The following C9orf57 variants were observed in gnomAD, a reference collection of about 807,000 sequenced individuals.
The protein encoded by C9orf57 is chromosome 9 open reading frame 57.
In C9orf57, 12 loss-of-function variants were observed where a neutral mutation model predicts 12.9. That is an observed-to-expected ratio of 0.93 (90% CI 0.60 to 1.51). The LOEUF (loss-of-function observed/expected upper bound fraction) is 1.51, where lower values mean the gene tolerates loss of function less well. C9orf57 is among the 40% of genes most tolerant of loss of function. The probability of loss-of-function intolerance (pLI) is 0.00; values close to 1 mark genes in which losing one functional copy is unlikely to be tolerated. For missense variants in C9orf57, 141 were observed against 162.8 expected (o/e 0.87, Z 0.73); for synonymous variants, 49 against 57.1 (o/e 0.86, Z 0.64).
In C9orf57 at chr9:72,052,065, G is replaced by C; in HGVS notation, c.*231C>G. 1 of 458,094 alleles carries C rather than the reference G, an allele frequency of 2.2e-6. No individual in the cohort carries two copies. Among genetic ancestry groups the C allele is most frequent in the East Asian group, 3.7e-5 (1 of 27,372 alleles). 28.4% of individuals were successfully genotyped at this position (458,094 alleles called of 1,614,324 possible). ...AGGAAGGTAAATTAAGCAGAAGGAG[G>C]AGAGGAGAGAAATGGTGTTGAAAGG... On this transcript the variant is annotated 3_prime_UTR_variant, in exon 5 of 5. Transcript: ENST00000651200.
At chr9:72,056,596 G>A (rs1049967543) in intron 3 of C9orf57, among the ~76,000 whole-genome samples, 188 bp downstream of exon 3, 13 of 151,872 alleles carry the variant, frequency 8.6e-5, no homozygotes, top group East Asian at 1.9e-4. Context: ...TTAATCGTTC[G>A]TGTCTCAGCT....
chr9:72,060,165 G>T (rs1824301817), intron 1 of C9orf57, among the ~76,000 whole-genome samples: 1 of 152,088 alleles, frequency 6.6e-6, no homozygotes, highest in Admixed American at 6.6e-5. Flanking sequence ...TCCTGCCTCA[G>T]CCTCCCGAGT....
rs1824193361 is a variant in C9orf57 at position 72,056,057 on chromosome 9, A to G, written c.280+17T>C. The G allele has an allele frequency of 6.5e-7, 1 of 1,538,398 alleles. No homozygotes were observed. Among genetic ancestry groups the G allele is most frequent in the Non-Finnish European group, 8.8e-7 (1 of 1,140,236 alleles). The stretch of plus-strand genomic sequence containing the variant: ...TGTGCTTATTTTAATTAAAATTTTT[A>G]AAGTGTCAAAACTTACCTTGAATGT... On this transcript the variant is annotated intron_variant, in intron 4 of 4. Coordinates refer to ENST00000651200, the MANE Select transcript of C9orf57 (RefSeq NM_001128618.2).
intron 2 of C9orf57, among the ~76,000 whole-genome samples, chr9:72,057,321 G>A (rs1045168549): frequency 6.6e-6 from 1 of 152,068 alleles, no homozygotes; most frequent in Non-Finnish European, 1.5e-5. Context: ...CACCTCCCGG[G>A]TTCAAGCGAT....
chr9:72,056,535 C>G (rs1331966553), intron 3 of C9orf57, among the ~76,000 whole-genome samples: 1 of 151,822 alleles, frequency 6.6e-6, no homozygotes, highest in Non-Finnish European at 1.5e-5. Flanking sequence ...AAAGTACTCA[C>G]ATTTGAATCT....
chr9:72,054,913 GA>G (rs1251500166), intron 4 of C9orf57, among the ~76,000 whole-genome samples: 4 of 90,762 alleles, frequency 4.4e-5, no homozygotes, highest in Middle Eastern at 6.3e-3. Flanking sequence ...TGGGGTTTGG[GA>G]TTTTTTTTTT....
At chr9:72,055,370 CTCCCTCCTTCCT>C (rs1824170855) in intron 4 of C9orf57, among the ~76,000 whole-genome samples, 2 of 28,626 alleles carry the variant, frequency 7.0e-5, no homozygotes, top group Admixed American at 3.1e-4. Flanking sequence ...CCCTCCCTCC[CTCCCTCCTTCCT>C]TCCTTCCTTC....
In C9orf57 at chr9:72,060,399, C is replaced by T. The variant is rs1824310832; in HGVS notation, c.-54+98G>A. The T allele has an allele frequency of 8.6e-6, 6 of 698,514 alleles. No individual in the cohort carries two copies. The South Asian group carries it at 9.7e-5, about 11-fold the overall frequency. The allele number at this position is 698,514 out of a possible 1,614,324, so 43.3% of individuals were successfully genotyped here. On this transcript the variant is annotated intron_variant, in intron 1 of 4. Transcript: ENST00000651200. ...AAAGACCTTATTTATGAGGGAAAAG[C>T]ATTATGTGATAGTTAACGATAGTTA...
At chr9:72,055,129 G>A (rs1001563833) in intron 4 of C9orf57, among the ~76,000 whole-genome samples, 7 of 150,908 alleles carry the variant, frequency 4.6e-5, no homozygotes. Flanking sequence ...TAGAGACAGG[G>A]CTTCACCATG....
At position 72,060,237 on chromosome 9, in the gene C9orf57, G is replaced by A. The variant is rs747263920; in HGVS notation, c.-54+260C>T. The stretch of plus-strand genomic sequence containing the variant: ...AATTTTTGTATTTTTAGTAAAGACG[G>A]GGTTTCACCATGTTGGCCAGGATGG... On this transcript the variant is annotated intron_variant, in intron 1 of 4. Transcript: ENST00000651200. Among the ~76,000 whole-genome samples the A allele has an allele frequency of 1.9e-4, 29 of 152,180 alleles. No individual in the cohort carries two copies. In the Middle Eastern group the frequency reaches 0.01, roughly 54 times the overall value.
chr9:72,056,935 G>A, intron 2 of C9orf57, 92 bp from the exon 3 acceptor site: 1 of 1,014,694 alleles, frequency 9.9e-7, no homozygotes, highest in South Asian at 1.5e-5. Context: ...TTGAGACAGG[G>A]TTGCACTCCT....
Position 72,059,799 on chromosome 9 carries a change from G to A in C9orf57, c.-53-415C>T, listed in dbSNP as rs374857935. On this transcript the variant is annotated intron_variant, in intron 1 of 4. Transcript: ENST00000651200. ...TCAGGCCACTGCACTCTAGCCTGGG[G>A]GACAGAGCGAGACTGTAAATAAATA... 2.0e-5 allele frequency among the ~76,000 whole-genome samples: 3 copies of A among 152,000 alleles called. No homozygotes were observed. In the East Asian group the frequency reaches 5.8e-4, roughly 29 times the overall value.
intron 4 of C9orf57, among the ~76,000 whole-genome samples, chr9:72,055,051 G>A (rs1422864214): frequency 6.6e-6 from 1 of 150,478 alleles, no homozygotes; most frequent in Non-Finnish European, 1.5e-5. Flanking sequence ...TCCATGCTGA[G>A]TAACTGGGAA....
At chr9:72,060,336 C>T (rs564242084) in intron 1 of C9orf57, among the ~76,000 whole-genome samples, 161 bp downstream of exon 1, 2 of 152,172 alleles carry the variant, frequency 1.3e-5, no homozygotes, top group African/African-American at 2.4e-5. Context: ...TGAGCCACCA[C>T]GCCCGGCCTA....
intron 3 of C9orf57, among the ~76,000 whole-genome samples, chr9:72,056,479 T>G (rs2132436330): frequency 6.6e-6 from 1 of 152,074 alleles, no homozygotes; most frequent in South Asian, 2.1e-4. Flanking sequence ...GTGAGTGGTG[T>G]GAATGAGAAA....
At chr9:72,059,647 C>G (rs1044341915) in intron 1 of C9orf57, among the ~76,000 whole-genome samples, 4 of 152,080 alleles carry the variant, frequency 2.6e-5, no homozygotes, top group Non-Finnish European at 4.4e-5. Flanking sequence ...ATGGTGAAAC[C>G]CCGTCTCTAC....
chr9:72,060,396 A>G, intron 1 of C9orf57, 101 bp downstream of exon 1: 1 of 688,386 alleles, frequency 1.5e-6, no homozygotes, highest in South Asian at 1.7e-5. Flanking sequence ...TATGAGGGAA[A>G]AGCATTATGT....
chr9:72,056,281 A>T, intron 3 of C9orf57, 85 bp from the exon 4 acceptor site: 3 of 1,091,858 alleles, frequency 2.7e-6, no homozygotes, highest in South Asian at 5.4e-5. Context: ...AAAAAAATAA[A>T]GTAGTGATTT....
At chr9:72,056,630 G>C (rs890044851) in intron 3 of C9orf57, among the ~76,000 whole-genome samples, 154 bp downstream of exon 3, 2 of 152,108 alleles carry the variant, frequency 1.3e-5, no homozygotes, top group African/African-American at 4.8e-5. Context: ...AATGGGGATA[G>C]TGACAGGGTC....
Sources: allele counts gnomAD v4.1 joint callset (sites outside exome capture counted in the v4.1 genomes callset), GRCh38; gene constraint gnomAD v4.1.1; transcripts MANE v1.5; gene names NCBI Gene and HGNC (gene_info 2026-07-23, HGNC 2026-07-21).